Variants in TNFSF11 observed in about 807,000 individuals in gnomAD.
TNFSF11 encodes tumor necrosis factor ligand superfamily member 11.
TNFSF11 carries 12 observed loss-of-function variants against 32.2 expected under a neutral mutation model. That is an observed-to-expected ratio of 0.37 (90% CI 0.24 to 0.60). The LOEUF is 0.60. Among genes scored for constraint, TNFSF11 ranks in the 20% least tolerant of loss-of-function variants. The pLI is 0.66. For missense variants in TNFSF11, 345 were observed against 398.0 expected (o/e 0.87, Z 1.13); for synonymous variants, 172 against 152.1 (o/e 1.13, Z -0.96).
intron 2 of TNFSF11, among the ~76,000 whole-genome samples, chr13:42,581,868 A>G (rs1473659535): frequency 2.6e-5 from 4 of 152,244 alleles, no homozygotes; most frequent in Admixed American, 6.5e-5. Flanking sequence ...GAGAAGAGTT[A>G]GGGACAGAGA....
intron 2 of TNFSF11, among the ~76,000 whole-genome samples, chr13:42,595,654 G>A (rs551920774): frequency 5.3e-4 from 81 of 152,338 alleles, no homozygotes; most frequent in African/African-American, 1.8e-3. Flanking sequence ...TTCTGATGGC[G>A]TAGGTAACAT....
At chr13:42,587,675 C>T (rs1373230351) in intron 2 of TNFSF11, among the ~76,000 whole-genome samples, 1 of 152,142 alleles carries the variant, frequency 6.6e-6, no homozygotes, top group Non-Finnish European at 1.5e-5. Context: ...TTGATTGTCA[C>T]CTGCACCGCT....
rs1869556299 is a variant in TNFSF11, at chr13:42,607,927, G to A, written c.*1009G>A. The A allele has an allele frequency of 1.3e-5, 2 of 152,326 alleles. No homozygotes were observed. Among genetic ancestry groups the A allele is most frequent in the African/African-American group, 4.8e-5 (2 of 41,356 alleles). The allele number at this position is 152,326 out of a possible 1,614,324, so 9.4% of individuals were successfully genotyped here. A position where few individuals can be genotyped will look rare whatever the true frequency, so the allele number is the denominator to read the frequency against. On this transcript the variant is annotated 3_prime_UTR_variant, in exon 5 of 5. Coordinates refer to ENST00000398795, the MANE Select transcript of TNFSF11 (RefSeq NM_003701.4). ...AGCAAAAAAGTCCAATTTTAATTTA[G>A]TAAATGTTATCTTATACTGTACAAT...
intron 2 of TNFSF11, among the ~76,000 whole-genome samples, chr13:42,597,390 G>A (rs541990706): frequency 1.3e-5 from 2 of 148,436 alleles, no homozygotes; most frequent in South Asian, 4.3e-4. Flanking sequence ...GCATCTGAGA[G>A]GTGCTGCTGG....
chr13:42,603,108 G>A (rs776835551), intron 4 of TNFSF11, among the ~76,000 whole-genome samples: 5 of 152,168 alleles, frequency 3.3e-5, no homozygotes, highest in Admixed American at 6.5e-5. Context: ...AGGTTTCAGA[G>A]GAAGTGGCTT....
intron 2 of TNFSF11, among the ~76,000 whole-genome samples, chr13:42,591,960 A>T (rs1020435057): frequency 6.6e-6 from 1 of 152,150 alleles, no homozygotes; most frequent in African/African-American, 2.4e-5. Context: ...TGAGGCTGGA[A>T]CCTATGGCAT....
At chr13:42,567,242 C>T (rs965568528) in intron 2 of TNFSF11, among the ~76,000 whole-genome samples, 8 of 151,914 alleles carry the variant, frequency 5.3e-5, no homozygotes, top group Non-Finnish European at 7.4e-5. Flanking sequence ...TTGTATTTCC[C>T]AAAAGTTTAT....
At chr13:42,592,960 C>T (rs925784278) in intron 2 of TNFSF11, among the ~76,000 whole-genome samples, 9 of 152,118 alleles carry the variant, frequency 5.9e-5, no homozygotes, top group African/African-American at 1.4e-4. Flanking sequence ...CATGCGGAAC[C>T]GTAAGCCAAT....
intron 1 of TNFSF11, among the ~76,000 whole-genome samples, chr13:42,576,177 G>A (rs1873305969): frequency 6.6e-6 from 1 of 152,242 alleles, no homozygotes; most frequent in South Asian, 2.1e-4. Flanking sequence ...CATTTTCATT[G>A]CCATAATAGT....
intron 2 of TNFSF11, among the ~76,000 whole-genome samples, chr13:42,586,404 C>G (rs1030331923): frequency 1.3e-5 from 2 of 152,184 alleles, no homozygotes; most frequent in Admixed American, 1.3e-4. Context: ...CTTATTTATA[C>G]GATGCTGTCT....
chr13:42,584,056 AAACAT>A (rs1873765988), intron 2 of TNFSF11, among the ~76,000 whole-genome samples: 1 of 152,222 alleles, frequency 6.6e-6, no homozygotes, highest in East Asian at 1.9e-4. Context: ...CTCTAAAAAT[AAACAT>A]AACAAGAAAT....
At chr13:42,595,951 G>C (rs1868785628) in intron 2 of TNFSF11, among the ~76,000 whole-genome samples, 3 of 152,236 alleles carry the variant, frequency 2.0e-5, no homozygotes, top group Admixed American at 6.5e-5. Context: ...GACAGATGTA[G>C]AGGACTAATG....
At chr13:42,593,388 C>T (rs914935113) in intron 2 of TNFSF11, among the ~76,000 whole-genome samples, 3 of 152,156 alleles carry the variant, frequency 2.0e-5, no homozygotes, top group Non-Finnish European at 4.4e-5. Flanking sequence ...GGGACATGTA[C>T]TTTAGGATGC....
upstream of TNFSF11, among the ~76,000 whole-genome samples, chr13:42,572,928 C>T (rs1033994983): frequency 3.3e-5 from 5 of 152,178 alleles, no homozygotes; most frequent in African/African-American, 9.7e-5. Flanking sequence ...GGTTCCAGGA[C>T]ACCACCAAAC....
intron 1 of TNFSF11, among the ~76,000 whole-genome samples, chr13:42,574,889 A>C (rs1475596013): frequency 1.3e-5 from 2 of 152,242 alleles, no homozygotes; most frequent in Non-Finnish European, 2.9e-5. Context: ...CTTGAAGTTA[A>C]GAATCAACTT....
chr13:42,589,501 T>C lies in TNFSF11; in HGVS notation c.387+8208T>C, dbSNP rs141085788. ...CCTGCTTAAAGCATCCTTCAGTAGA[T>C]CGCTGTGGTTGTCAGGATGAAGTCT... On this transcript the variant is annotated intron_variant, in intron 2 of 4. Coordinates refer to ENST00000398795, the MANE Select transcript of TNFSF11 (RefSeq NM_003701.4). Among the ~76,000 whole-genome samples, 6 of 152,308 alleles carry C rather than the reference T, an allele frequency of 3.9e-5. No individual in the cohort carries two copies. In the East Asian group the frequency reaches 1.2e-3, roughly 29 times the overall value.
At chr13:42,584,675 C>T (rs1422247826) in intron 2 of TNFSF11, among the ~76,000 whole-genome samples, 1 of 152,164 alleles carries the variant, frequency 6.6e-6, no homozygotes, top group Non-Finnish European at 1.5e-5. Flanking sequence ...CACTACTTGG[C>T]AAACCATAAG....
At chr13:42,578,493 A>T (rs1873430093) in intron 1 of TNFSF11, among the ~76,000 whole-genome samples, 1 of 152,272 alleles carries the variant, frequency 6.6e-6, no homozygotes, top group Non-Finnish European at 1.5e-5. Context: ...TAGGTTAAAA[A>T]TAAATTTCTA....
rs1044216741 is a variant in TNFSF11 at position 42,585,375 on chromosome 13, T to C, written c.387+4082T>C. Among the ~76,000 whole-genome samples the C allele has an allele frequency of 2.6e-5, 4 of 152,138 alleles. No homozygotes were observed. The South Asian group carries it at 6.2e-4, about 24-fold the overall frequency. On this transcript the variant is annotated intron_variant, in intron 2 of 4. Coordinates refer to ENST00000398795, the MANE Select transcript of TNFSF11 (RefSeq NM_003701.4). ...TACCAGACATAAGCACAATATCACA[T>C]TATATGTGTGCGAAAAGTGGTGTTT...
Sources: gnomAD v4.1 joint callset for allele counts (sites outside exome capture counted in the v4.1 genomes callset) on GRCh38, gnomAD v4.1.1 for gene constraint, MANE v1.5 for transcripts, NCBI Gene and HGNC (gene_info 2026-07-23, HGNC 2026-07-21) for gene names.